AXIN2: variants seen among roughly 807,000 people sequenced by gnomAD.
AXIN2 encodes the protein axin-2.
Under a neutral mutation model 74.7 loss-of-function variants are expected in AXIN2, and 21 were observed. The observed-to-expected ratio is 0.28, with a 90% CI of 0.20 to 0.40. AXIN2 has a LOEUF of 0.40. Ranked by LOEUF, AXIN2 falls within the 10% of genes least tolerant of loss-of-function variation. AXIN2 has a pLI of 1.00. For synonymous variants in AXIN2, 532 were observed against 454.9 expected (o/e 1.17, Z -2.16); for missense variants, 1,144 against 1,111.1 (o/e 1.03, Z -0.42).
At chr17:65,560,890 G>A (rs1218641673) in intron 1 of AXIN2, 2 of 149,156 alleles carry the variant, frequency 1.3e-5, no homozygotes, top group East Asian at 2.0e-4. Context: ...CCCGGCCCCG[G>A]CCCCCGGCTC....
In AXIN2 at chr17:65,561,497, C is replaced by G. The variant is rs1361115155; in HGVS notation, c.-164G>C. 2.7e-5 allele frequency: 4 copies of G among 150,370 alleles called. No individual in the cohort carries two copies. The highest frequency in any genetic ancestry group is 2.6e-4 in the Admixed American group (4 of 15,112). 9.3% of individuals were successfully genotyped at this position (150,370 alleles called of 1,614,324 possible). Reference sequence around the variant, plus strand: ...GGGCGCCTCGGCCGCCGGGCGGCCCCGAAATCCATCGCTCTGAGGGGTTAT... The same window carrying G: ...GGGCGCCTCGGCCGCCGGGCGGCCCGGAAATCCATCGCTCTGAGGGGTTAT... On this transcript the variant is annotated 5_prime_UTR_variant, in exon 1 of 11. Transcript: ENST00000307078.
At chr17:65,553,594 C>T (rs1482233668) in intron 2 of AXIN2, among the ~76,000 whole-genome samples, 1 of 152,102 alleles carries the variant, frequency 6.6e-6, no homozygotes, top group Admixed American at 6.5e-5. Flanking sequence ...ACTTGTCTCC[C>T]TTCACTTCCA....
intron 3 of AXIN2, among the ~76,000 whole-genome samples, chr17:65,549,293 T>C (rs1328896133): frequency 6.6e-6 from 1 of 152,194 alleles, no homozygotes; most frequent in African/African-American, 2.4e-5. Context: ...TCTGTTACAA[T>C]ATCCTCCCAA....
intron 3 of AXIN2, among the ~76,000 whole-genome samples, chr17:65,542,183 C>T (rs903957756): frequency 6.6e-5 from 10 of 152,166 alleles, no homozygotes; most frequent in African/African-American, 2.4e-4. Context: ...ACCCTACCAC[C>T]CCCAACCAAT....
At chr17:65,555,096 A>G (rs1314646117) in intron 2 of AXIN2, among the ~76,000 whole-genome samples, 2 of 151,982 alleles carry the variant, frequency 1.3e-5, no homozygotes, top group Admixed American at 1.3e-4. Flanking sequence ...TAAACCTGAC[A>G]CCAAATCAGT....
At chr17:65,531,943 A>AG (rs34536692) in intron 10 of AXIN2, among the ~76,000 whole-genome samples, 3 of 151,294 alleles carry the variant, frequency 2.0e-5, no homozygotes, top group Non-Finnish European at 2.9e-5. Flanking sequence ...ATTTTTTTGA[A>AG]GGGGGGATGT....
At chr17:65,535,774 C>A in intron 8 of AXIN2, 53 bp from the exon 9 acceptor site, 1 of 1,522,346 alleles carries the variant, frequency 6.6e-7, no homozygotes, top group East Asian at 2.3e-5. Context: ...GTCCCCAGAG[C>A]AATTGAAAAG....
In AXIN2 at chr17:65,535,516, G is replaced by A. The variant is rs1395510617; in HGVS notation, c.2237+110C>T. 7 of 1,033,160 alleles carry A rather than the reference G, an allele frequency of 6.8e-6. No homozygotes were observed. In the Admixed American group the frequency reaches 1.4e-4, roughly 20 times the overall value. The allele number at this position is 1,033,160 out of a possible 1,614,324, so 64.0% of individuals were successfully genotyped here. A position where few individuals can be genotyped will look rare whatever the true frequency, so the allele number is the denominator to read the frequency against. On this transcript the variant is annotated intron_variant, in intron 9 of 10. Coordinates refer to ENST00000307078, the MANE Select transcript of AXIN2 (RefSeq NM_004655.4). ...CCTCATCACTAGCGCTAAAATCAAA[G>A]TGATTTTAAAAACCAAAAAAAGTTT... is the stretch of plus-strand genomic sequence containing the variant.
chr17:65,546,581 C>G (rs2044122570), intron 3 of AXIN2, among the ~76,000 whole-genome samples: 1 of 152,170 alleles, frequency 6.6e-6, no homozygotes, highest in Admixed American at 6.5e-5. Context: ...CTAGTGAGCC[C>G]CACTAGAGGC....
At position 65,557,931 on chromosome 17, in the gene AXIN2, T is replaced by A. The variant is rs2044295061; in HGVS notation, c.690A>T (p.Glu230Asp). 1 of 1,614,058 alleles carries A rather than the reference T, an allele frequency of 6.2e-7. No homozygotes were observed. The highest frequency in any genetic ancestry group is 1.7e-5 in the Admixed American group (1 of 60,008). The change falls in exon 2 of 11, where the codon GAA (glutamate) becomes GAT (aspartate). Residue 230 changes from glutamate to aspartate, a missense_variant. Transcript: ENST00000307078. ...AGTCGGCACAAGTCCACTCCTCTTC[T>A]TCATTCAAGGTGGGGAGATAGCCAC... ...VVCGYLPTLN[E>D]EEEWTCADFK...
chr17:65,537,866 A>C, intron 5 of AXIN2, 31 bp from the exon 6 acceptor site: 1 of 1,517,136 alleles, frequency 6.6e-7, no homozygotes, highest in South Asian at 1.3e-5. Flanking sequence ...AGGAGAAGTG[A>C]CCCAGGAAGC....
rs770458926 is a variant in AXIN2 at position 65,535,655 on chromosome 17, G to C, written c.2208C>G (p.Pro736=). 6.8e-6 allele frequency: 11 copies of C among 1,614,090 alleles called. No individual in the cohort carries two copies. The highest frequency in any genetic ancestry group is 6.7e-5 in the Admixed American group (4 of 60,006). The stretch of plus-strand genomic sequence containing the variant: ...CTGGAGCCAGGCTTGGATTGGAGAA[G>C]GGTGTGGCTCCCGTCTGAACAGTGG... The part of the protein sequence containing the change: ...HSATVQTGAT[P]FSNPSLAPED... Residue 736 remains proline (P), a synonymous_variant, in exon 9 of 11, where the codon CCC becomes CCG. Coordinates refer to ENST00000307078, the MANE Select transcript of AXIN2 (RefSeq NM_004655.4).
chr17:65,537,233 G>T, intron 6 of AXIN2, 91 bp downstream of exon 6: 1 of 1,584,658 alleles, frequency 6.3e-7, no homozygotes. Flanking sequence ...GAAACTAAAT[G>T]CCTGTAATGC....
Position 65,537,765 on chromosome 17 carries a change from G to A in AXIN2, c.1271C>T (p.Ser424Phe), listed in dbSNP as rs780894296. The change falls in exon 6 of 11, where the codon TCC becomes TTC. Residue 424 changes from serine to phenylalanine, a missense_variant. By Grantham distance (155) the Ser-to-Phe change is radical. Around this residue, in one of 4 missense-constraint regions of AXIN2, gnomAD observed 1,053 missense variants for 973.5 expected, o/e 1.08. Transcript: ENST00000307078. ...CTCGTAGCTGCCGGAGGGCAGTAGG[G>A]AGAGGGGGTGCTGCGTGGGCGCCCC... ...REGAPTQHPLSLLPSGSYEED... is the reference protein window; with the variant it reads ...REGAPTQHPLFLLPSGSYEED... 6.3e-7 allele frequency: 1 copy of A among 1,585,168 alleles called. No individual in the cohort carries two copies. The highest frequency in any genetic ancestry group is 8.6e-7 in the Non-Finnish European group (1 of 1,165,410).
intron 10 of AXIN2, among the ~76,000 whole-genome samples, chr17:65,531,149 TTTAA>T (rs1359965576): frequency 6.6e-6 from 1 of 152,078 alleles, no homozygotes; most frequent in Admixed American, 6.5e-5. Flanking sequence ...CTTTCAAGCA[TTTAA>T]TTGTGTCTCA....
intron 2 of AXIN2, among the ~76,000 whole-genome samples, chr17:65,556,855 A>C (rs1456728179): frequency 6.6e-6 from 1 of 152,208 alleles, no homozygotes; most frequent in Non-Finnish European, 1.5e-5. Context: ...AGTCAAGTGC[A>C]GCCCCATCCC....
At chr17:65,530,451 G>A (rs1230283831) in intron 10 of AXIN2, among the ~76,000 whole-genome samples, 1 of 152,214 alleles carries the variant, frequency 6.6e-6, no homozygotes, top group Non-Finnish European at 1.5e-5. Context: ...GGGTGGGGGA[G>A]GGAAGGGAAG....
intron 1 of AXIN2, chr17:65,559,579 C>T (rs1731835341): frequency 6.6e-6 from 1 of 152,162 alleles, no homozygotes; most frequent in Non-Finnish European, 1.5e-5. Context: ...CCGTCGCCCC[C>T]GTGCCCCCAA....
In AXIN2 at chr17:65,542,871, C is replaced by G. The variant is rs564929505; in HGVS notation, c.957-1314G>C. On this transcript the variant is annotated intron_variant, in intron 3 of 10. Transcript: ENST00000307078. Reference sequence around the variant, plus strand: ...TCCCTTTCCCCAATGTCTGGTTCATCATAGGGTGGAAGAAAAATAGGATAA... The same window carrying G: ...TCCCTTTCCCCAATGTCTGGTTCATGATAGGGTGGAAGAAAAATAGGATAA... Among the ~76,000 whole-genome samples the G allele has an allele frequency of 2.0e-5, 3 of 152,266 alleles. No individual in the cohort carries two copies. The South Asian group carries it at 6.2e-4, about 32-fold the overall frequency.
Sources: gnomAD v4.1 joint callset for allele counts (sites outside exome capture counted in the v4.1 genomes callset) on GRCh38, gnomAD v4.1.1 for gene constraint, gnomAD v4.1.1 regional missense constraint, MANE v1.5 for transcripts, NCBI Gene and HGNC (gene_info 2026-07-23, HGNC 2026-07-21) for gene names.